The following PCDHGA12 variants were observed in gnomAD, a reference collection of about 807,000 sequenced individuals.
PCDHGA12 encodes protocadherin gamma-A12.
A neutral mutation model predicts 61.1 loss-of-function variants in PCDHGA12; 43 were observed. The ratio of observed to expected loss-of-function variants is 0.70; its 90% CI spans 0.55 to 0.91. The LOEUF is 0.91. PCDHGA12 is among the 40% of genes least tolerant of loss of function. The probability of loss-of-function intolerance (pLI) is 0.00; values close to 1 mark genes in which losing one functional copy is unlikely to be tolerated. For missense variants in PCDHGA12, 1,236 were observed against 1,227.7 expected, an observed-to-expected ratio of 1.01 and a Z score of -0.10; for synonymous variants, 520 against 542.9, an observed-to-expected ratio of 0.96 and a Z score of 0.59.
intron 1 of PCDHGA12, among the ~76,000 whole-genome samples, chr5:141,483,160 T>C (rs1199191595): frequency 6.6e-6 from 1 of 152,176 alleles, no homozygotes; most frequent in Non-Finnish European, 1.5e-5. Flanking sequence ...AGTTAGATCC[T>C]GAGTTACCTT....
At position 141,455,318 on chromosome 5, in the gene PCDHGA12, G is replaced by A. The variant is rs534507768; in HGVS notation, c.2424+22135G>A. On this transcript the variant is annotated intron_variant, in intron 1 of 3. Transcript: ENST00000252085. ...TTTCATCTTGCATTAGCAATTTTGT[G>A]TGTGTGTTTGTGGTTTTAAGGAGCG... is the stretch of plus-strand genomic sequence containing the variant. Among the ~76,000 whole-genome samples the A allele has an allele frequency of 2.4e-4, 37 of 152,186 alleles. No individual in the cohort carries two copies. The South Asian group carries it at 5.6e-3, about 23-fold the overall frequency.
At chr5:141,453,071 C>G (rs561248978) in intron 1 of PCDHGA12, among the ~76,000 whole-genome samples, 13 of 152,150 alleles carry the variant, frequency 8.5e-5, no homozygotes, top group South Asian at 2.1e-4. Flanking sequence ...TTTTGCCACA[C>G]TCTGGTTGAT....
At chr5:141,495,814 T>C (rs2099764028) in intron 2 of PCDHGA12, among the ~76,000 whole-genome samples, 1 of 152,134 alleles carries the variant, frequency 6.6e-6, no homozygotes, top group Non-Finnish European at 1.5e-5. Context: ...TCCTAGCGCC[T>C]TGTGTTCTTC....
Position 141,486,601 on chromosome 5 carries a change from C to A in PCDHGA12, c.2425-8206C>A, listed in dbSNP as rs770685748. On this transcript the variant is annotated intron_variant, in intron 1 of 3. Transcript: ENST00000252085. The surrounding 1 kb of genome is among the most constrained non-coding windows in gnomAD (Gnocchi z 5.0). ...ATCGCCCAGGGGACCTGCTTTGCTCCCTTGCAGCCTCTGACCCAGACTCTG... is the reference window on the plus strand; with the variant it reads ...ATCGCCCAGGGGACCTGCTTTGCTCACTTGCAGCCTCTGACCCAGACTCTG... The A allele has an allele frequency of 1.9e-6, 3 of 1,613,558 alleles. No homozygotes were observed. The highest frequency in any genetic ancestry group is 3.3e-5 in the Admixed American group (2 of 60,026).
intron 1 of PCDHGA12, among the ~76,000 whole-genome samples, chr5:141,435,175 C>T (rs1199067294): frequency 6.6e-6 from 1 of 152,030 alleles, no homozygotes; most frequent in East Asian, 1.9e-4. Context: ...TGGCTTTTAA[C>T]TACACTTGAG....
intron 2 of PCDHGA12, among the ~76,000 whole-genome samples, chr5:141,503,324 C>T (rs1389385473): frequency 7.9e-5 from 12 of 152,014 alleles, no homozygotes; most frequent in South Asian, 2.1e-4. Context: ...TGGAGGGGCG[C>T]GGTGGCTCAC....
intron 2 of PCDHGA12, among the ~76,000 whole-genome samples, chr5:141,503,614 A>G (rs1595875970): frequency 6.6e-6 from 1 of 151,640 alleles, no homozygotes; most frequent in South Asian, 2.1e-4. Flanking sequence ...AAAAAAAAAA[A>G]GAAAAAAGAA....
intron 1 of PCDHGA12, among the ~76,000 whole-genome samples, chr5:141,433,664 C>G (rs1027404017): frequency 6.6e-6 from 1 of 151,966 alleles, no homozygotes; most frequent in South Asian, 2.1e-4. Flanking sequence ...GGAGAAACCC[C>G]GTCTATACTA....
At chr5:141,441,730 A>T in intron 1 of PCDHGA12, 1 of 362,750 alleles carries the variant, frequency 2.8e-6, no homozygotes, top group South Asian at 2.2e-5. Context: ...CGCGACCAGG[A>T]CTAGCTCGCG....
Position 141,489,458 on chromosome 5 carries a change from G to T in PCDHGA12, c.2425-5349G>T, listed in dbSNP as rs143138320. 1 of 1,613,924 alleles carries T rather than the reference G, an allele frequency of 6.2e-7. No homozygotes were observed. Among genetic ancestry groups the T allele is most frequent in the Non-Finnish European group, 8.5e-7 (1 of 1,180,000 alleles). On this transcript the variant is annotated intron_variant, in intron 1 of 3. Coordinates refer to ENST00000252085, the MANE Select transcript of PCDHGA12 (RefSeq NM_003735.3). The surrounding 1 kb of genome is among the most constrained non-coding windows in gnomAD (Gnocchi z 4.5). ...CAATTGGGCTCTGAGGAGAATGGGC[G>T]CTATTTTTCCCTGAGCTTGATGAGT...
At chr5:141,502,880 T>TTTTTTTTTTG (rs2099816747) in intron 2 of PCDHGA12, among the ~76,000 whole-genome samples, 1 of 151,000 alleles carries the variant, frequency 6.6e-6, no homozygotes, top group African/African-American at 2.4e-5. Context: ...TTTTTTTTTT[T>TTTTTTTTTTG]GACAGGGAGT....
At chr5:141,460,596 C>G (rs930441447) in intron 1 of PCDHGA12, among the ~76,000 whole-genome samples, 2 of 151,986 alleles carry the variant, frequency 1.3e-5, no homozygotes, top group Non-Finnish European at 2.9e-5. Flanking sequence ...TTTCTGGGCT[C>G]TCTGTGTTAG....
intron 1 of PCDHGA12, among the ~76,000 whole-genome samples, chr5:141,460,369 T>C (rs1048970945): frequency 2.1e-4 from 32 of 152,322 alleles, no homozygotes; most frequent in African/African-American, 7.7e-4. Flanking sequence ...AGTTTTATAG[T>C]TTTACCATTT....
At chr5:141,478,735 G>T in intron 1 of PCDHGA12, 1 of 1,535,968 alleles carries the variant, frequency 6.5e-7, no homozygotes, top group Non-Finnish European at 8.8e-7. Flanking sequence ...AGTGTGGTTT[G>T]TGGTCCCATT....
In PCDHGA12 at chr5:141,449,878, A is replaced by G. The variant is rs536474516; in HGVS notation, c.2424+16695A>G. On this transcript the variant is annotated intron_variant, in intron 1 of 3. Transcript: ENST00000252085. ...ATAAAAATCAGAAAATTTAACATCA[A>G]TGCAATATAATTATTTAGCCTATAG... 6.6e-4 allele frequency among the ~76,000 whole-genome samples: 100 copies of G among 152,050 alleles called. 1 individual carries two copies. The highest frequency in any genetic ancestry group is 2.4e-3 in the African/African-American group (99 of 41,574).
rs757755103 is a variant in PCDHGA12 at position 141,432,638 on chromosome 5, C to T, written c.1879C>T (p.Arg627Cys). 1.2e-6 allele frequency: 2 copies of T among 1,613,810 alleles called. No homozygotes were observed. Among genetic ancestry groups the T allele is most frequent in the Non-Finnish European group, 8.5e-7 (1 of 1,179,930 alleles). ...GGTGGGTCTGCACACGGGCGAGGTG[C>T]GCACGGCGCGAGCCCTGCTGGACAG... is the stretch of plus-strand genomic sequence containing the variant. ...FSVGLHTGEV[R>C]TARALLDRDA... Residue 627 changes from arginine to cysteine, a missense_variant, in exon 1 of 4, where the codon CGC becomes TGC. Arg to Cys is a radical substitution (Grantham distance 180). Transcript: ENST00000252085. The surrounding 1 kb of genome is among the most constrained non-coding windows in gnomAD (Gnocchi z 6.0).
At position 141,490,908 on chromosome 5, in the gene PCDHGA12, C is replaced by A; in HGVS notation, c.2425-3899C>A. On this transcript the variant is annotated intron_variant, in intron 1 of 3. Coordinates refer to ENST00000252085, the MANE Select transcript of PCDHGA12 (RefSeq NM_003735.3). The surrounding 1 kb of genome is among the most constrained non-coding windows in gnomAD (Gnocchi z 5.4). The stretch of plus-strand genomic sequence containing the variant: ...CATCTCTGCATGTGTTTGTCCTAGA[C>A]GAGAATGATAATGCCCCAGCTGTGC... The A allele has an allele frequency of 6.2e-7, 1 of 1,613,710 alleles. No homozygotes were observed. Among genetic ancestry groups the A allele is most frequent in the Non-Finnish European group, 8.5e-7 (1 of 1,179,754 alleles).
Position 141,432,184 on chromosome 5 carries a change from C to T in PCDHGA12, c.1425C>T (p.Thr475=), listed in dbSNP as rs774512372. 3.7e-6 allele frequency: 6 copies of T among 1,614,164 alleles called. No homozygotes were observed. The highest frequency in any genetic ancestry group is 2.2e-5 in the South Asian group (2 of 91,080). The change falls in exon 1 of 4, where the codon ACC becomes ACT. Residue 475 remains threonine (T), a synonymous_variant. Transcript: ENST00000252085. The surrounding 1 kb of genome is among the most constrained non-coding windows in gnomAD (Gnocchi z 6.0). Reference sequence around the variant, plus strand: ...GAGGAGTTTCCCTCGTCTCTGTGACCGCCCACGACCCCGACTGTGAAGAGA... The same window carrying T: ...GAGGAGTTTCCCTCGTCTCTGTGACTGCCCACGACCCCGACTGTGAAGAGA... ...NPRGVSLVSV[T]AHDPDCEENA...
Position 141,491,048 on chromosome 5 carries a change from C to T in PCDHGA12, c.2425-3759C>T, listed in dbSNP as rs755163825. The T allele has an allele frequency of 7.4e-6, 12 of 1,613,948 alleles. No individual in the cohort carries two copies. Among genetic ancestry groups the T allele is most frequent in the South Asian group, 4.4e-5 (4 of 91,090 alleles). ...GTGGATGCTGATGCAGGCCACAATG[C>T]GTGGCTCTCCTACTCACTGTTGCCA... On this transcript the variant is annotated intron_variant, in intron 1 of 3. Coordinates refer to ENST00000252085, the MANE Select transcript of PCDHGA12 (RefSeq NM_003735.3). The surrounding 1 kb of genome is among the most constrained non-coding windows in gnomAD (Gnocchi z 6.9).
Sources: allele counts gnomAD v4.1 joint callset (sites outside exome capture counted in the v4.1 genomes callset), GRCh38; gene constraint gnomAD v4.1.1; non-coding constraint Gnocchi (gnomAD v3.1); transcripts MANE v1.5; gene names NCBI Gene and HGNC (gene_info 2026-07-23, HGNC 2026-07-21).